Variants in ALK observed in about 807,000 individuals in gnomAD.
ALK encodes ALK tyrosine kinase receptor.
A neutral mutation model predicts 163.1 loss-of-function variants in ALK; 74 were observed. The ratio of observed to expected loss-of-function variants is 0.45; its 90% CI spans 0.38 to 0.55. The LOEUF (loss-of-function observed/expected upper bound fraction) is 0.55, where lower values mean the gene tolerates loss of function less well. Ranked by LOEUF, ALK falls within the 20% of genes least tolerant of loss-of-function variation. The probability of loss-of-function intolerance (pLI) is 0.00; values close to 1 mark genes in which losing one functional copy is unlikely to be tolerated. For missense variants in ALK, 2,063 were observed against 2,105.3 expected, an observed-to-expected ratio of 0.98 and a Z score of 0.39; for synonymous variants, 960 against 843.2, an observed-to-expected ratio of 1.14 and a Z score of -2.40.
chr2:29,311,812 G>A (rs977071517), intron 8 of ALK, among the ~76,000 whole-genome samples: 5 of 152,148 alleles, frequency 3.3e-5, no homozygotes, highest in Non-Finnish European at 7.4e-5. Context: ...GGGCGATGTG[G>A]GGGAAGGCCC....
At chr2:29,851,080 A>G (rs1024841663) in intron 1 of ALK, among the ~76,000 whole-genome samples, 3 of 152,230 alleles carry the variant, frequency 2.0e-5, no homozygotes, top group Admixed American at 6.5e-5. Context: ...TAATATATAT[A>G]TTCAAAGACT....
At chr2:29,457,999 C>A (rs1185451517) in intron 4 of ALK, among the ~76,000 whole-genome samples, 1 of 152,074 alleles carries the variant, frequency 6.6e-6, no homozygotes, top group East Asian at 1.9e-4. Flanking sequence ...CACCAATAGC[C>A]TTTGTGAAAG....
chr2:29,714,508 GA>G (rs1312041838), intron 2 of ALK, among the ~76,000 whole-genome samples: 1 of 152,090 alleles, frequency 6.6e-6, no homozygotes, highest in Non-Finnish European at 1.5e-5. Flanking sequence ...TTCCAATTCA[GA>G]ACTGGACAGC....
intron 3 of ALK, among the ~76,000 whole-genome samples, chr2:29,674,987 G>A (rs571117748): frequency 6.7e-6 from 1 of 149,826 alleles, no homozygotes; most frequent in East Asian, 2.0e-4. Context: ...ATTCTCTGAT[G>A]GTAGTTTGTA....
At chr2:29,554,838 G>A (rs1374588316) in intron 3 of ALK, among the ~76,000 whole-genome samples, 1 of 152,156 alleles carries the variant, frequency 6.6e-6, no homozygotes, top group African/African-American at 2.4e-5. Flanking sequence ...TTTCATTTCA[G>A]TAAAGAAGCC....
chr2:29,763,266 C>T (rs1002994424), intron 1 of ALK, among the ~76,000 whole-genome samples: 20 of 151,962 alleles, frequency 1.3e-4, no homozygotes, highest in African/African-American at 4.6e-4. Context: ...TTGAGGAGTA[C>T]ATGAAATGCA....
intron 1 of ALK, among the ~76,000 whole-genome samples, chr2:29,836,216 C>A (rs929775252): frequency 6.6e-6 from 1 of 152,158 alleles, no homozygotes; most frequent in East Asian, 1.9e-4. Context: ...CCTAGACAAT[C>A]AAAATAGCAA....
chr2:29,350,183 A>G lies in ALK; in HGVS notation c.1283-21702T>C, dbSNP rs143595673. 2.9e-3 allele frequency among the ~76,000 whole-genome samples: 440 copies of G among 152,350 alleles called. 2 individuals carry two copies. Among genetic ancestry groups the G allele is most frequent in the South Asian group, 5.8e-3 (28 of 4,828 alleles). ...CTACAGGGTTTCTGGGATTAGAACTATCCTGATACATAACTCCAGAGCATT... is the reference window on the plus strand; with the variant it reads ...CTACAGGGTTTCTGGGATTAGAACTGTCCTGATACATAACTCCAGAGCATT... On this transcript the variant is annotated intron_variant, in intron 5 of 28. Coordinates refer to ENST00000389048, the MANE Select transcript of ALK (RefSeq NM_004304.5).
chr2:29,507,220 C>G (rs577068548), intron 4 of ALK, among the ~76,000 whole-genome samples: 3 of 152,174 alleles, frequency 2.0e-5, no homozygotes, highest in Non-Finnish European at 4.4e-5. Context: ...CTCTGACACA[C>G]GTTACAATAT....
intron 4 of ALK, among the ~76,000 whole-genome samples, chr2:29,522,458 C>T (rs901424874): frequency 1.3e-5 from 2 of 152,108 alleles, no homozygotes; most frequent in Non-Finnish European, 2.9e-5. Flanking sequence ...ATCTGGGATG[C>T]CAGGTCCTGT....
intron 1 of ALK, among the ~76,000 whole-genome samples, chr2:29,735,000 G>A (rs1679852955): frequency 6.6e-6 from 1 of 152,082 alleles, no homozygotes; most frequent in Non-Finnish European, 1.5e-5. Flanking sequence ...TGTGTAAATT[G>A]CTATGCACAT....
At chr2:29,817,804 C>T (rs1223434854) in intron 1 of ALK, among the ~76,000 whole-genome samples, 2 of 152,236 alleles carry the variant, frequency 1.3e-5, no homozygotes, top group East Asian at 1.9e-4. Flanking sequence ...CCCCCTGATG[C>T]GGAAATGGAA....
At chr2:29,904,771 CTCTCCTTTCAGAAGTACAGGGG>C (rs2148433223) in intron 1 of ALK, among the ~76,000 whole-genome samples, 1 of 152,262 alleles carries the variant, frequency 6.6e-6, no homozygotes, top group South Asian at 2.1e-4. Flanking sequence ...ATGTAATATC[CTCTCCTTTCAGAAGTACAGGGG>C]TTAACGAATG....
At chr2:29,748,135 A>G (rs1680254730) in intron 1 of ALK, among the ~76,000 whole-genome samples, 1 of 152,102 alleles carries the variant, frequency 6.6e-6, no homozygotes, top group African/African-American at 2.4e-5. Flanking sequence ...ACAACAAGAG[A>G]TCCACATGGT....
chr2:29,727,973 A>C (rs1385713487), intron 1 of ALK, among the ~76,000 whole-genome samples: 3 of 152,226 alleles, frequency 2.0e-5, no homozygotes, highest in Admixed American at 1.3e-4. Context: ...TCGTTAGTGA[A>C]AAAAATCACA....
intron 3 of ALK, among the ~76,000 whole-genome samples, chr2:29,567,069 T>C (rs1446683069): frequency 6.6e-6 from 1 of 152,208 alleles, no homozygotes; most frequent in Non-Finnish European, 1.5e-5. Flanking sequence ...AATTGATTTT[T>C]TATTTTTTTA....
At chr2:29,335,972 G>A (rs1276706321) in intron 5 of ALK, among the ~76,000 whole-genome samples, 10 of 152,244 alleles carry the variant, frequency 6.6e-5, no homozygotes, top group South Asian at 2.1e-4. Flanking sequence ...CCTGGGAGGC[G>A]GAGGTTGCAG....
chr2:29,391,313 G>GT (rs5830114), intron 4 of ALK, among the ~76,000 whole-genome samples: 23,952 of 147,758 alleles, frequency 0.16, 2,203 homozygotes, highest in Non-Finnish European at 0.18. Context: ...TTTGGGGGGG[G>GT]GGTGGTGGTG....
chr2:29,501,896 G>A (rs889171901), intron 4 of ALK, among the ~76,000 whole-genome samples: 2 of 152,070 alleles, frequency 1.3e-5, no homozygotes, highest in African/African-American at 4.8e-5. Flanking sequence ...TCTACTTTCT[G>A]TCCATATGGT....
Sources: allele counts gnomAD v4.1 joint callset (sites outside exome capture counted in the v4.1 genomes callset), GRCh38; gene constraint gnomAD v4.1.1; transcripts MANE v1.5; gene names NCBI Gene and HGNC (gene_info 2026-07-23, HGNC 2026-07-21).